PCDH15: variants seen among roughly 807,000 people sequenced by gnomAD.
PCDH15 encodes protocadherin related 15.
Under a neutral mutation model 178.5 loss-of-function variants are expected in PCDH15, and 129 were observed. The observed-to-expected ratio is 0.72, with a 90% CI of 0.63 to 0.84. The LOEUF is 0.84. PCDH15 is among the 40% of genes least tolerant of loss of function. The probability of loss-of-function intolerance (pLI) is 0.00; values close to 1 mark genes in which losing one functional copy is unlikely to be tolerated. For synonymous variants in PCDH15, 800 were observed against 732.0 expected (o/e 1.09, Z -1.50); for missense variants, 2,230 against 2,099.9 (o/e 1.06, Z -1.21).
At chr10:55,336,124 G>GGA (rs1171131975) in intron 2 of PCDH15, among the ~76,000 whole-genome samples, 3 of 59,276 alleles carry the variant, frequency 5.1e-5, no homozygotes, top group Non-Finnish European at 3.2e-5. Flanking sequence ...CTTGGTATTT[G>GGA]AAAAAAAAAA....
At chr10:54,409,281 T>A (rs1953136342) in intron 3 of PCDH15, among the ~76,000 whole-genome samples, 1 of 152,176 alleles carries the variant, frequency 6.6e-6, no homozygotes, top group African/African-American at 2.4e-5. Flanking sequence ...GCAGATCAGT[T>A]ATGTTGTGGT....
intron 2 of PCDH15, among the ~76,000 whole-genome samples, chr10:55,424,419 G>A (rs555966252): frequency 6.6e-6 from 1 of 152,096 alleles, no homozygotes; most frequent in African/African-American, 2.4e-5. Context: ...GGCTGCTTCT[G>A]TCCTGGTCTT....
intron 2 of PCDH15, among the ~76,000 whole-genome samples, chr10:55,473,798 G>A (rs1840011882): frequency 6.6e-6 from 1 of 151,988 alleles, no homozygotes; most frequent in South Asian, 2.1e-4. Context: ...TTCACTTGTT[G>A]AACACTTTTA....
At chr10:55,423,177 T>C (rs893104790) in intron 2 of PCDH15, among the ~76,000 whole-genome samples, 3 of 151,884 alleles carry the variant, frequency 2.0e-5, no homozygotes, top group African/African-American at 7.3e-5. Flanking sequence ...TTAAAAAAGT[T>C]TTGCTTTATT....
At chr10:53,985,187 C>T (rs2091007940) in intron 21 of PCDH15, among the ~76,000 whole-genome samples, 1 of 152,072 alleles carries the variant, frequency 6.6e-6, no homozygotes, top group Non-Finnish European at 1.5e-5. Context: ...GTAGGAAAAA[C>T]TGTAGAAGCT....
chr10:53,956,417 T>A (rs1185512751), intron 23 of PCDH15, among the ~76,000 whole-genome samples: 1 of 152,194 alleles, frequency 6.6e-6, no homozygotes, highest in Non-Finnish European at 1.5e-5. Flanking sequence ...AGTTTCTTTA[T>A]AGTTCAGTTA....
At chr10:54,538,199 C>T (rs2084789747) in intron 2 of PCDH15, among the ~76,000 whole-genome samples, 1 of 152,118 alleles carries the variant, frequency 6.6e-6, no homozygotes, top group African/African-American at 2.4e-5. Context: ...ATGCAAACAT[C>T]AAGGATAGTG....
At chr10:55,376,936 C>T (rs1837406217) in intron 2 of PCDH15, among the ~76,000 whole-genome samples, 1 of 151,802 alleles carries the variant, frequency 6.6e-6, no homozygotes, top group Non-Finnish European at 1.5e-5. Context: ...TATTTGCTTC[C>T]TGGCTTAAAA....
intron 1 of PCDH15, among the ~76,000 whole-genome samples, chr10:55,256,294 T>A (rs1020798337): frequency 5.3e-5 from 8 of 152,114 alleles, no homozygotes; most frequent in African/African-American, 1.9e-4. Context: ...GCTCCCAGTG[T>A]GAGCGAGGCA....
chr10:54,892,100 T>C (rs761473867), intron 3 of PCDH15, among the ~76,000 whole-genome samples: 32 of 152,126 alleles, frequency 2.1e-4, no homozygotes, highest in Non-Finnish European at 4.4e-4. Flanking sequence ...GACGCTACTT[T>C]AGTGAGAGAA....
At chr10:54,526,466 G>A (rs960442685) in intron 3 of PCDH15, among the ~76,000 whole-genome samples, 1 of 152,002 alleles carries the variant, frequency 6.6e-6, no homozygotes, top group Non-Finnish European at 1.5e-5. Flanking sequence ...TTTAAAAATA[G>A]TTAGCCATAA....
At chr10:54,256,870 C>T (rs1033545640) in intron 8 of PCDH15, among the ~76,000 whole-genome samples, 1 of 152,142 alleles carries the variant, frequency 6.6e-6, no homozygotes, top group Admixed American at 6.6e-5. Context: ...TAGTATGTAT[C>T]AGTGCCTGAA....
At chr10:54,171,405 G>A (rs942893619) in intron 13 of PCDH15, among the ~76,000 whole-genome samples, 3 of 152,096 alleles carry the variant, frequency 2.0e-5, no homozygotes, top group South Asian at 2.1e-4. Flanking sequence ...GCCCATTTGA[G>A]CGGTATAGAT....
intron 28 of PCDH15, among the ~76,000 whole-genome samples, chr10:53,853,400 A>G (rs1006531170): frequency 3.3e-5 from 5 of 152,066 alleles, no homozygotes; most frequent in Non-Finnish European, 7.4e-5. Context: ...ACAGGAAACA[A>G]AAGCAAAAAT....
intron 10 of PCDH15, among the ~76,000 whole-genome samples, chr10:54,198,705 T>G (rs1164891451): frequency 1.0e-5 from 1 of 96,050 alleles, no homozygotes; most frequent in African/African-American, 8.5e-5. Flanking sequence ...GTTTCACCGT[T>G]TTAGCCGGGA....
At chr10:55,175,663 C>CAAA (rs71014459) in intron 1 of PCDH15, among the ~76,000 whole-genome samples, 11,415 of 106,414 alleles carry the variant, frequency 0.11, 737 homozygotes, top group Non-Finnish European at 0.16. Flanking sequence ...GACTCTGTCT[C>CAAA]AAAAAAAAAA....
At chr10:55,224,568 C>T (rs1840973853) in intron 1 of PCDH15, among the ~76,000 whole-genome samples, 1 of 152,106 alleles carries the variant, frequency 6.6e-6, no homozygotes. Context: ...GCTGATCCAA[C>T]AGCAGATAGA....
At chr10:55,437,991 C>T (rs1271679094) in intron 2 of PCDH15, among the ~76,000 whole-genome samples, 2 of 151,812 alleles carry the variant, frequency 1.3e-5, no homozygotes, top group African/African-American at 4.8e-5. Flanking sequence ...CATGTGCCAC[C>T]ACGCCGGCTA....
intron 2 of PCDH15, among the ~76,000 whole-genome samples, chr10:55,380,206 G>GT (rs1183119724): frequency 6.6e-6 from 1 of 152,120 alleles, no homozygotes; most frequent in African/African-American, 2.4e-5. Context: ...AGTAAATGGT[G>GT]TAACAGTCAT....
Sources: allele counts gnomAD v4.1 joint callset (sites outside exome capture counted in the v4.1 genomes callset), GRCh38; gene constraint gnomAD v4.1.1; transcripts MANE v1.5; gene names NCBI Gene and HGNC (gene_info 2026-07-23, HGNC 2026-07-21).